IMMP2L: variants seen among roughly 807,000 people sequenced by gnomAD.
The protein encoded by IMMP2L is mitochondrial inner membrane protease subunit 2.
In IMMP2L, 18 loss-of-function variants were observed where a neutral mutation model predicts 19.3. That is an observed-to-expected ratio of 0.93 (90% CI 0.64 to 1.38). The LOEUF (loss-of-function observed/expected upper bound fraction) is 1.38, where lower values mean the gene tolerates loss of function less well. Ranked by LOEUF, IMMP2L falls within the 40% of genes most tolerant of loss-of-function variation. The probability of loss-of-function intolerance (pLI) is 0.00; values close to 1 mark genes in which losing one functional copy is unlikely to be tolerated. For synonymous variants in IMMP2L, 76 were observed against 73.0 expected (o/e 1.04, Z -0.21); for missense variants, 233 against 218.2 (o/e 1.07, Z -0.43).
At chr7:111,018,386 T>C (rs1375672016) in intron 3 of IMMP2L, among the ~76,000 whole-genome samples, 1 of 152,152 alleles carries the variant, frequency 6.6e-6, no homozygotes, top group African/African-American at 2.4e-5. Context: ...ATCCTTCACT[T>C]ACAAATAGCA....
At chr7:111,082,271 G>C (rs890342932) in intron 3 of IMMP2L, among the ~76,000 whole-genome samples, 1 of 152,168 alleles carries the variant, frequency 6.6e-6, no homozygotes, top group African/African-American at 2.4e-5. Flanking sequence ...ACCCTAACAA[G>C]AGCAGGAATT....
chr7:110,675,440 C>T (rs867163103), intron 5 of IMMP2L, among the ~76,000 whole-genome samples: 3 of 152,140 alleles, frequency 2.0e-5, no homozygotes, highest in South Asian at 2.1e-4. Context: ...AGGCAGAACC[C>T]ACTCCTCCTG....
intron 3 of IMMP2L, among the ~76,000 whole-genome samples, chr7:111,425,366 A>T (rs1433942796): frequency 6.9e-6 from 1 of 145,636 alleles, no homozygotes; most frequent in Admixed American, 6.9e-5. Context: ...AAACTAGCAA[A>T]TGTTCACTTA....
chr7:111,218,458 G>GT (rs35926057), intron 3 of IMMP2L, among the ~76,000 whole-genome samples: 64,808 of 149,892 alleles, frequency 0.43, 14,019 homozygotes, highest in Non-Finnish European at 0.46. Flanking sequence ...AGTTTTATCA[G>GT]TTTTTTTTTT....
chr7:110,704,763 T>C (rs1039839629), intron 5 of IMMP2L, among the ~76,000 whole-genome samples: 2 of 152,224 alleles, frequency 1.3e-5, no homozygotes, highest in Non-Finnish European at 2.9e-5. Flanking sequence ...CAGAAGTCTC[T>C]TGGGGGAAGA....
chr7:110,826,953 T>C (rs1803553584), intron 5 of IMMP2L, among the ~76,000 whole-genome samples: 1 of 152,050 alleles, frequency 6.6e-6, no homozygotes, highest in South Asian at 2.1e-4. Context: ...TGACAGTATA[T>C]GATGGGGATG....
intron 3 of IMMP2L, among the ~76,000 whole-genome samples, chr7:111,480,597 C>CAAAAAAAAAAAAAA: frequency 1.8e-5 from 1 of 55,060 alleles, no homozygotes; most frequent in Non-Finnish European, 4.3e-5. Flanking sequence ...ATTTTACTGT[C>CAAAAAAAAAAAAAA]AAAAAAAAAA....
intron 3 of IMMP2L, chr7:111,124,106 G>A: frequency 6.2e-7 from 1 of 1,614,004 alleles, no homozygotes; most frequent in Non-Finnish European, 8.5e-7. Flanking sequence ...TTTCACTGTA[G>A]AGCTACTGCA....
intron 5 of IMMP2L, among the ~76,000 whole-genome samples, chr7:110,677,880 A>G (rs1440854314): frequency 6.6e-6 from 1 of 152,108 alleles, no homozygotes; most frequent in Non-Finnish European, 1.5e-5. Context: ...ACAATGGGTG[A>G]GCTTTCTTTG....
At chr7:111,352,201 G>T (rs778302547) in intron 3 of IMMP2L, among the ~76,000 whole-genome samples, 18 of 151,968 alleles carry the variant, frequency 1.2e-4, no homozygotes, top group Non-Finnish European at 1.8e-4. Context: ...TGCTTGACAG[G>T]ATATGGGAGA....
intron 2 of IMMP2L, among the ~76,000 whole-genome samples, chr7:111,516,753 G>A (rs1333228912): frequency 6.6e-6 from 1 of 152,036 alleles, no homozygotes; most frequent in Non-Finnish European, 1.5e-5. Flanking sequence ...ATCCTAAGGG[G>A]TAAAACATCA....
chr7:110,873,429 CAAAAAAA>C (rs60827428), intron 5 of IMMP2L, among the ~76,000 whole-genome samples: 30 of 28,956 alleles, frequency 1.0e-3, no homozygotes, highest in Admixed American at 3.2e-3. Context: ...GACTCTATCT[CAAAAAAA>C]AAAAAAAAAA....
intron 5 of IMMP2L, among the ~76,000 whole-genome samples, chr7:110,741,083 T>C (rs756101818): frequency 7.9e-5 from 12 of 152,248 alleles, no homozygotes; most frequent in Non-Finnish European, 1.2e-4. Context: ...ATGGAACCAG[T>C]CCAGATGACC....
Position 111,515,179 on chromosome 7 carries a change from G to A in IMMP2L, c.135+6134C>T, listed in dbSNP as rs540577932. Among the ~76,000 whole-genome samples the A allele has an allele frequency of 2.4e-4, 37 of 152,202 alleles. 1 individual carries two copies. Among genetic ancestry groups the A allele is most frequent in the Middle Eastern group, 3.4e-3 (1 of 294 alleles). On this transcript the variant is annotated intron_variant, in intron 2 of 5. Transcript: ENST00000405709. ...TAAGGCCTGGTTGCAAGCTGCATGTGCCCAGGGAATTTGGTGCCTGAGGCT... is the reference window on the plus strand; with the variant it reads ...TAAGGCCTGGTTGCAAGCTGCATGTACCCAGGGAATTTGGTGCCTGAGGCT...
chr7:111,096,585 T>A (rs1797425145), intron 3 of IMMP2L, among the ~76,000 whole-genome samples: 1 of 151,218 alleles, frequency 6.6e-6, no homozygotes, highest in Non-Finnish European at 1.5e-5. Flanking sequence ...TTCTACCTAC[T>A]CATCCATATG....
intron 4 of IMMP2L, among the ~76,000 whole-genome samples, chr7:110,887,696 T>C (rs150585306): frequency 2.9e-3 from 432 of 151,192 alleles, no homozygotes; most frequent in African/African-American, 0.01. Context: ...CAATAAAATA[T>C]TATCCTAATC....
At chr7:111,393,005 A>G (rs1484355054) in intron 3 of IMMP2L, 5 of 360,280 alleles carry the variant, frequency 1.4e-5, no homozygotes, top group African/African-American at 1.1e-4. Flanking sequence ...TGCATTACAT[A>G]AGCGTTATTC....
chr7:110,836,340 C>G (rs978856630), intron 5 of IMMP2L, among the ~76,000 whole-genome samples: 1 of 152,138 alleles, frequency 6.6e-6, no homozygotes, highest in African/African-American at 2.4e-5. Flanking sequence ...TGTCCCCACA[C>G]AAATCTCATC....
chr7:110,934,467 A>T (rs1193678172), intron 4 of IMMP2L, among the ~76,000 whole-genome samples: 2 of 152,152 alleles, frequency 1.3e-5, no homozygotes, highest in Non-Finnish European at 1.5e-5. Context: ...ATCTTACTCC[A>T]TGGATAATGT....
Sources: gnomAD v4.1 joint callset for allele counts (sites outside exome capture counted in the v4.1 genomes callset) on GRCh38, gnomAD v4.1.1 for gene constraint, MANE v1.5 for transcripts, NCBI Gene and HGNC (gene_info 2026-07-23, HGNC 2026-07-21) for gene names.